Variants in MARCHF10 observed in about 807,000 individuals in gnomAD.
MARCHF10 encodes membrane associated ring-CH-type finger 10.
A neutral mutation model predicts 76.2 loss-of-function variants in MARCHF10; 64 were observed. The observed-to-expected ratio is 0.84, with a 90% confidence interval of 0.69 to 1.03. The LOEUF (loss-of-function observed/expected upper bound fraction) is 1.03, where lower values mean the gene tolerates loss of function less well. Ranked by LOEUF, MARCHF10 falls within the 50% of genes least tolerant of loss-of-function variation. The pLI, the probability that MARCHF10 is intolerant of heterozygous loss-of-function variation, is 0.00. For synonymous variants in MARCHF10, 340 were observed against 357.5 expected, an observed-to-expected ratio of 0.95 and a Z score of 0.55; for missense variants, 875 against 958.0, an observed-to-expected ratio of 0.91 and a Z score of 1.14.
rs756717350 is a variant in MARCHF10, at chr17:62,736,798, C to G, written c.1070G>C (p.Ser357Thr). 6.2e-6 allele frequency: 10 copies of G among 1,614,028 alleles called. No individual in the cohort carries two copies. The highest frequency in any genetic ancestry group is 7.6e-6 in the Non-Finnish European group (9 of 1,180,024). The change falls in exon 6 of 11, where the codon AGC becomes ACC. Residue 357 changes from serine (S) to threonine (T), a missense_variant. Transcript: ENST00000311269. ...SEPSHGSLRI[S>T]NAMEPATERP... ...CTCTGTTGCTGGCTCCATTGCATTG[C>G]TTATTCTCAATGAGCCATGACTGGG...
intron 3 of MARCHF10, among the ~76,000 whole-genome samples, chr17:62,787,865 A>C (rs1414863130): frequency 1.3e-5 from 2 of 152,202 alleles, no homozygotes; most frequent in Non-Finnish European, 2.9e-5. Context: ...TGTTGCAAGC[A>C]CTGAAATAAT....
At chr17:62,742,731 C>A (rs2091561236) in intron 5 of MARCHF10, among the ~76,000 whole-genome samples, 1 of 151,426 alleles carries the variant, frequency 6.6e-6, no homozygotes, top group Admixed American at 6.6e-5. Flanking sequence ...AAGTGTCTCA[C>A]TCCATTGCCC....
intron 6 of MARCHF10, among the ~76,000 whole-genome samples, chr17:62,732,597 A>C (rs748448602): frequency 1.3e-5 from 2 of 152,230 alleles, no homozygotes; most frequent in Non-Finnish European, 2.9e-5. Flanking sequence ...TAAATCCTAA[A>C]TATAAAGCTA....
chr17:62,716,627 TAA>T (rs938506538), intron 8 of MARCHF10, among the ~76,000 whole-genome samples: 1 of 151,654 alleles, frequency 6.6e-6, no homozygotes, highest in African/African-American at 2.4e-5. Context: ...CTAAATGTTA[TAA>T]GTTATCATTT....
chr17:62,791,343 A>G (rs1279438066), intron 2 of MARCHF10, among the ~76,000 whole-genome samples: 2 of 152,248 alleles, frequency 1.3e-5, no homozygotes, highest in Admixed American at 6.5e-5. Context: ...AGGCAAAAGA[A>G]GAAAATGCTG....
intron 6 of MARCHF10, among the ~76,000 whole-genome samples, chr17:62,732,300 G>C (rs1429133747): frequency 2.6e-5 from 4 of 152,140 alleles, no homozygotes; most frequent in African/African-American, 9.7e-5. Flanking sequence ...AAAAAAGTAG[G>C]GAAGGAGGCT....
intron 3 of MARCHF10, among the ~76,000 whole-genome samples, chr17:62,776,391 G>A (rs2092555761): frequency 6.6e-6 from 1 of 152,162 alleles, no homozygotes; most frequent in Admixed American, 6.5e-5. Context: ...CAAGGACGAG[G>A]CTGTCTTGCC....
intron 3 of MARCHF10, among the ~76,000 whole-genome samples, chr17:62,782,653 G>A (rs1252671323): frequency 6.6e-6 from 1 of 152,050 alleles, no homozygotes; most frequent in Non-Finnish European, 1.5e-5. Context: ...CCAAACGACT[G>A]TATTTTAATA....
At chr17:62,708,041 T>A (rs1323159039) in intron 9 of MARCHF10, among the ~76,000 whole-genome samples, 1 of 152,082 alleles carries the variant, frequency 6.6e-6, no homozygotes, top group East Asian at 1.9e-4. Context: ...AAAGCTGCAA[T>A]GAGCTGTCAT....
intron 3 of MARCHF10, among the ~76,000 whole-genome samples, chr17:62,765,415 A>G (rs980995565): frequency 6.6e-6 from 1 of 151,316 alleles, no homozygotes; most frequent in African/African-American, 2.4e-5. Flanking sequence ...CAGATTGCCT[A>G]AATATCACAG....
At chr17:62,797,290 C>T (rs568822452) in intron 2 of MARCHF10, among the ~76,000 whole-genome samples, 2 of 152,206 alleles carry the variant, frequency 1.3e-5, no homozygotes, top group African/African-American at 2.4e-5. Context: ...CTGCAACCTC[C>T]GCCTCCCGGG....
In MARCHF10 at chr17:62,738,629, G is replaced by T. The variant is rs142546486; in HGVS notation, c.536-1297C>A. 6.6e-6 allele frequency among the ~76,000 whole-genome samples: 1 copy of T among 152,170 alleles called. No individual in the cohort carries two copies. Among genetic ancestry groups the T allele is most frequent in the African/African-American group, 2.4e-5 (1 of 41,494 alleles). ...GTGAAATGCAAATCCTCAGAGCATC[G>T]GGCACCACCAAGGGCCAAGTCAATT... On this transcript the variant is annotated intron_variant, in intron 5 of 10. Transcript: ENST00000311269. This position sits in a 1 kb window ranked among gnomAD's most constrained non-coding sequence, Gnocchi z 4.0.
At chr17:62,773,939 G>A (rs1860338) in intron 3 of MARCHF10, among the ~76,000 whole-genome samples, 26,449 of 152,166 alleles carry the variant, frequency 0.17, 6,350 homozygotes, top group African/African-American at 0.54. Context: ...ATGATGGATG[G>A]GTGGGATTTC....
At chr17:62,727,746 C>A (rs755097989) in intron 6 of MARCHF10, among the ~76,000 whole-genome samples, 2 of 152,046 alleles carry the variant, frequency 1.3e-5, no homozygotes, top group African/African-American at 4.8e-5. Context: ...CTTGGAAAGT[C>A]GATGAAGATA....
At chr17:62,735,598 A>C (rs1167807267) in intron 6 of MARCHF10, 1 of 252,838 alleles carries the variant, frequency 4.0e-6, no homozygotes. Context: ...CCTTTTCCTA[A>C]AAAATCTTGG....
intron 3 of MARCHF10, among the ~76,000 whole-genome samples, chr17:62,777,705 C>T (rs1245820578): frequency 2.8e-5 from 3 of 107,742 alleles, no homozygotes; most frequent in Non-Finnish European, 3.9e-5. Context: ...CAAAGTGAGA[C>T]TCCATCTCAA....
At chr17:62,747,864 A>G (rs560579757) in intron 4 of MARCHF10, among the ~76,000 whole-genome samples, 52 of 152,218 alleles carry the variant, frequency 3.4e-4, no homozygotes, top group Non-Finnish European at 6.3e-4. Context: ...TTTGTTCAAC[A>G]AATACCTGTG....
chr17:62,793,176 C>CA (rs2092901718), intron 2 of MARCHF10, among the ~76,000 whole-genome samples: 1 of 135,312 alleles, frequency 7.4e-6, no homozygotes, highest in Non-Finnish European at 1.6e-5. Context: ...CCACCTCCAT[C>CA]ACTACCACCA....
intron 4 of MARCHF10, among the ~76,000 whole-genome samples, chr17:62,755,231 C>T (rs2092006172): frequency 6.6e-6 from 1 of 152,244 alleles, no homozygotes; most frequent in South Asian, 2.1e-4. Flanking sequence ...TCCTGGCACA[C>T]AGCTCAGGGG....
Sources: gnomAD v4.1 joint callset for allele counts (sites outside exome capture counted in the v4.1 genomes callset) on GRCh38, gnomAD v4.1.1 for gene constraint, Gnocchi (gnomAD v3.1) non-coding constraint, MANE v1.5 for transcripts, NCBI Gene and HGNC (gene_info 2026-07-23, HGNC 2026-07-21) for gene names.